Variants in GDAP2 observed in about 807,000 individuals in gnomAD.
GDAP2 encodes the protein ganglioside induced differentiation associated protein 2, also known as ganglioside-induced differentiation-associated protein 2.
In GDAP2, 51 loss-of-function variants were observed where a neutral mutation model predicts 67.0. The observed-to-expected ratio is 0.76, with a 90% CI of 0.61 to 0.96. The LOEUF is 0.96. GDAP2 is among the 40% of genes least tolerant of loss of function. The pLI is 0.00. For missense variants in GDAP2, 547 were observed against 588.3 expected, an observed-to-expected ratio of 0.93 and a Z score of 0.73; for synonymous variants, 203 against 207.3, an observed-to-expected ratio of 0.98 and a Z score of 0.18.
At chr1:117,917,530 T>A (rs1377775655) in intron 3 of GDAP2, among the ~76,000 whole-genome samples, 1 of 152,218 alleles carries the variant, frequency 6.6e-6, no homozygotes, top group Non-Finnish European at 1.5e-5. Flanking sequence ...TCTTACTATA[T>A]GTCAGGAACT....
intron 6 of GDAP2, among the ~76,000 whole-genome samples, chr1:117,902,867 T>C (rs1649528925): frequency 6.6e-6 from 1 of 152,238 alleles, no homozygotes; most frequent in Non-Finnish European, 1.5e-5. Flanking sequence ...ACTGTTATCT[T>C]AACAACATTA....
intron 1 of GDAP2, among the ~76,000 whole-genome samples, chr1:117,928,948 TC>T (rs1399137980): frequency 2.0e-5 from 3 of 152,070 alleles, no homozygotes; most frequent in East Asian, 3.9e-4. Context: ...CTTGGTCACT[TC>T]CCCCTCAAGC....
rs576411958 is a variant in GDAP2 at position 117,909,546 on chromosome 1, G to A, written c.559+2448C>T. Among the ~76,000 whole-genome samples the A allele has an allele frequency of 1.6e-4, 25 of 152,268 alleles. No individual in the cohort carries two copies. The South Asian group carries it at 5.0e-3, about 30-fold the overall frequency. ...CTTGGCCCATATATGTTACAAAAGTGTATAAGCCATTTGTTTTCCAAATGC... is the reference window on the plus strand; with the variant it reads ...CTTGGCCCATATATGTTACAAAAGTATATAAGCCATTTGTTTTCCAAATGC... On this transcript the variant is annotated intron_variant, in intron 5 of 13. Transcript: ENST00000369443.
At chr1:117,907,740 C>T (rs1649706325) in intron 5 of GDAP2, among the ~76,000 whole-genome samples, 1 of 152,176 alleles carries the variant, frequency 6.6e-6, no homozygotes. Flanking sequence ...TGGTAATAAG[C>T]TCTTAACTGC....
At chr1:117,915,539 G>T (rs1650020909) in intron 3 of GDAP2, among the ~76,000 whole-genome samples, 1 of 152,188 alleles carries the variant, frequency 6.6e-6, no homozygotes, top group Non-Finnish European at 1.5e-5. Context: ...AAATTAAAAG[G>T]TGGAATTCAT....
At chr1:117,918,218 A>G (rs1235302458) in intron 3 of GDAP2, among the ~76,000 whole-genome samples, 3 of 152,198 alleles carry the variant, frequency 2.0e-5, no homozygotes, top group Non-Finnish European at 4.4e-5. Flanking sequence ...TAACAAAGGG[A>G]TGCAAGCTCG....
chr1:117,874,224 C>T (rs909881634), intron 13 of GDAP2, among the ~76,000 whole-genome samples: 1 of 152,154 alleles, frequency 6.6e-6, no homozygotes, highest in Non-Finnish European at 1.5e-5. Flanking sequence ...AGGGCCTAGT[C>T]GGAGGTGTTT....
rs1452367758 is a variant in GDAP2 at position 117,870,413 on chromosome 1, T to C, written c.*156A>G. On this transcript the variant is annotated 3_prime_UTR_variant, in exon 14 of 14. Coordinates refer to ENST00000369443, the MANE Select transcript of GDAP2 (RefSeq NM_017686.4). ...TGGCCTACCATTTTTAGATTGCTTATGTGCCAGAAAATATACAGTCAATAA... is the reference window on the plus strand; with the variant it reads ...TGGCCTACCATTTTTAGATTGCTTACGTGCCAGAAAATATACAGTCAATAA... 2 of 629,744 alleles carry C rather than the reference T, an allele frequency of 3.2e-6. No individual in the cohort carries two copies. Among genetic ancestry groups the C allele is most frequent in the Admixed American group, 3.2e-5 (1 of 31,384 alleles). 39.0% of individuals were successfully genotyped at this position (629,744 alleles called of 1,614,324 possible).
intron 13 of GDAP2, among the ~76,000 whole-genome samples, chr1:117,871,224 T>C (rs980504105): frequency 7.9e-5 from 12 of 152,192 alleles, no homozygotes; most frequent in Non-Finnish European, 1.5e-4. Context: ...TCAGGAAATT[T>C]AGTTCAAGAT....
intron 6 of GDAP2, among the ~76,000 whole-genome samples, chr1:117,901,002 G>A (rs1419606940): frequency 6.6e-6 from 1 of 152,170 alleles, no homozygotes; most frequent in Non-Finnish European, 1.5e-5. Flanking sequence ...GGAGGTTGTA[G>A]TGAGCCGAGA....
chr1:117,928,122 A>T (rs886812044), intron 1 of GDAP2, among the ~76,000 whole-genome samples: 21 of 152,172 alleles, frequency 1.4e-4, no homozygotes, highest in Admixed American at 1.4e-3. Context: ...CAAATATAAA[A>T]CCAAACCCGT....
chr1:117,886,574 T>TAC lies in GDAP2; in HGVS notation c.1107+1_1107+2dup, dbSNP rs1363377104. The TAC allele has an allele frequency of 6.8e-7, 1 of 1,472,400 alleles. No homozygotes were observed. Among genetic ancestry groups the TAC allele is most frequent in the Non-Finnish European group, 9.5e-7 (1 of 1,051,268 alleles). 91.2% of individuals were successfully genotyped at this position (1,472,400 alleles called of 1,614,324 possible). On this transcript the variant is annotated splice_region_variant and intron_variant, in intron 10 of 13. Transcript: ENST00000369443. ...TGTAAAACAGAGCCTTTTTATGGCT[T>TAC]ACCTTGTCCATATCTATTAATGTTA...
chr1:117,909,372 CTG>C (rs1649771701), intron 5 of GDAP2, among the ~76,000 whole-genome samples: 1 of 151,892 alleles, frequency 6.6e-6, no homozygotes, highest in Non-Finnish European at 1.5e-5. Flanking sequence ...GAAAAACAAA[CTG>C]CACATGAACT....
intron 3 of GDAP2, among the ~76,000 whole-genome samples, 176 bp from the exon 4 acceptor site, chr1:117,912,859 A>C (rs1649908888): frequency 6.6e-6 from 1 of 152,230 alleles, no homozygotes; most frequent in South Asian, 2.1e-4. Flanking sequence ...CAGTGAAGCA[A>C]TACAATAGGT....
At position 117,878,041 on chromosome 1, in the gene GDAP2, A is replaced by G; in HGVS notation, c.1414T>C (p.Phe472Leu). 6.2e-7 allele frequency: 1 copy of G among 1,612,876 alleles called. No homozygotes were observed. Among genetic ancestry groups the G allele is most frequent in the Non-Finnish European group, 8.5e-7 (1 of 1,178,956 alleles). ...FSAISPEQIDFPPFVLEYDAR... is the reference protein window; with the variant it reads ...FSAISPEQIDLPPFVLEYDAR... ...TCATATTCAAGGACAAAAGGAGGAA[A>G]GTCAATCTGTTCTGGTGATATGGCA... The change falls in exon 13 of 14, where the codon TTT (phenylalanine) becomes CTT (leucine). Residue 472 changes from phenylalanine (F) to leucine (L), a missense_variant. Coordinates refer to ENST00000369443, the MANE Select transcript of GDAP2 (RefSeq NM_017686.4).
chr1:117,906,732 C>A (rs1195234601), intron 5 of GDAP2, 150 bp from the exon 6 acceptor site: 40 of 550,920 alleles, frequency 7.3e-5, no homozygotes, highest in Non-Finnish European at 3.2e-6. Context: ...GTGAAGCCTG[C>A]CCATACTACT....
rs979129667 is a variant in GDAP2 at position 117,865,221 on chromosome 1, G to C, written c.*5348C>G. On this transcript the variant is annotated 3_prime_UTR_variant, in exon 14 of 14. Coordinates refer to ENST00000369443, the MANE Select transcript of GDAP2 (RefSeq NM_017686.4). ...CTCTTAAGGTTAACTTTGGTAATTA[G>C]AGAAAGACCTCATGTAAATGGTCAA... The C allele has an allele frequency of 1.3e-5, 2 of 152,158 alleles. No individual in the cohort carries two copies. Among genetic ancestry groups the C allele is most frequent in the Admixed American group, 6.5e-5 (1 of 15,278 alleles). 9.4% of individuals were successfully genotyped at this position (152,158 alleles called of 1,614,324 possible). A position where few individuals can be genotyped will look rare whatever the true frequency, so the allele number is the denominator to read the frequency against.
chr1:117,880,521 G>A (rs548848209), intron 12 of GDAP2, among the ~76,000 whole-genome samples: 37 of 152,290 alleles, frequency 2.4e-4, no homozygotes, highest in Middle Eastern at 3.4e-3. Flanking sequence ...AATTTTGGTC[G>A]TAAAGTGGAG....
At chr1:117,918,553 T>C in intron 3 of GDAP2, 44 bp downstream of exon 3, 1 of 1,430,290 alleles carries the variant, frequency 7.0e-7, no homozygotes, top group Non-Finnish European at 9.8e-7. Flanking sequence ...GACATCAAAA[T>C]GAATGTTTTC....
Sources: allele counts gnomAD v4.1 joint callset (sites outside exome capture counted in the v4.1 genomes callset), GRCh38; gene constraint gnomAD v4.1.1; transcripts MANE v1.5; gene names NCBI Gene and HGNC (gene_info 2026-07-23, HGNC 2026-07-21).